PCDHGC5: variants seen among roughly 807,000 people sequenced by gnomAD.
The protein encoded by PCDHGC5 is protocadherin gamma subfamily C, 5, also known as protocadherin gamma-C5.
In PCDHGC5, 25 loss-of-function variants were observed where a neutral mutation model predicts 59.0. That is an observed-to-expected ratio of 0.42 (90% confidence interval 0.31 to 0.59). The LOEUF (loss-of-function observed/expected upper bound fraction) is 0.59, where lower values mean the gene tolerates loss of function less well. Among genes scored for constraint, PCDHGC5 ranks in the 20% least tolerant of loss-of-function variants. The pLI, the probability that PCDHGC5 is intolerant of heterozygous loss-of-function variation, is 0.13. For synonymous variants in PCDHGC5, 434 were observed against 505.5 expected, an observed-to-expected ratio of 0.86 and a Z score of 1.90; for missense variants, 1,067 against 1,206.4, an observed-to-expected ratio of 0.88 and a Z score of 1.71.
chr5:141,490,132 A>G lies in PCDHGC5; in HGVS notation c.892A>G (p.Ser298Gly), dbSNP rs1245562757. The G allele has an allele frequency of 3.7e-6, 6 of 1,614,102 alleles. No homozygotes were observed. In the African/African-American group the frequency reaches 4.0e-5, roughly 11 times the overall value. ...GCGGAACCTCTTTGGCCTAGACCCTAGCAGTGGGGCAATCCATGTGTTGGG... is the reference window on the plus strand; with the variant it reads ...GCGGAACCTCTTTGGCCTAGACCCTGGCAGTGGGGCAATCCATGTGTTGGG... The part of the protein sequence containing the change: ...AVRNLFGLDP[S>G]SGAIHVLGPI... The change falls in exon 1 of 4, where the codon AGC becomes GGC. Residue 298 changes from serine to glycine, a missense_variant. Ser to Gly is a moderately conservative substitution (Grantham distance 56). Coordinates refer to ENST00000252087, the MANE Select transcript of PCDHGC5 (RefSeq NM_018929.3). The surrounding 1 kb of genome is among the most constrained non-coding windows in gnomAD (Gnocchi z 5.4).
At chr5:141,492,189 G>C (rs2099737936) in intron 1 of PCDHGC5, among the ~76,000 whole-genome samples, 1 of 152,204 alleles carries the variant, frequency 6.6e-6, no homozygotes, top group Non-Finnish European at 1.5e-5. Context: ...GCACCTGTCT[G>C]CGGGACTTAG....
intron 1 of PCDHGC5, among the ~76,000 whole-genome samples, chr5:141,492,356 G>A (rs2099739649): frequency 6.6e-6 from 1 of 152,198 alleles, no homozygotes; most frequent in Non-Finnish European, 1.5e-5. Context: ...ACTGCCACTC[G>A]CTCGCGGCCA....
chr5:141,498,437 G>C (rs996627716), intron 2 of PCDHGC5, among the ~76,000 whole-genome samples: 1 of 152,170 alleles, frequency 6.6e-6, no homozygotes, highest in Non-Finnish European at 1.5e-5. Flanking sequence ...GGGATGAAGA[G>C]GAGAGGTTCC....
Position 141,491,623 on chromosome 5 carries a change from G to T in PCDHGC5, c.2383G>T (p.Val795Phe). 1 of 1,613,930 alleles carries T rather than the reference G, an allele frequency of 6.2e-7. No homozygotes were observed. The highest frequency in any genetic ancestry group is 1.1e-5 in the South Asian group (1 of 91,084). Residue 795 changes from valine (V) to phenylalanine (F), a missense_variant, in exon 1 of 4, where the codon GTT becomes TTT. Physicochemically the swap from Val to Phe is conservative, Grantham distance 50 (BLOSUM62 -1). Transcript: ENST00000252087. This position sits in a 1 kb window ranked among gnomAD's most constrained non-coding sequence, Gnocchi z 6.9. ...CTTCACTTTTCTAAGACCCCTCAGC[G>T]TTCAGCAGCCCACAGCTCTGGCGCT... ...SDFTFLRPLS[V>F]QQPTALALEP...
intron 1 of PCDHGC5, 84 bp from the exon 2 acceptor site, chr5:141,494,723 C>T: frequency 1.9e-6 from 3 of 1,606,114 alleles, no homozygotes; most frequent in Non-Finnish European, 2.6e-6. Flanking sequence ...TCCCCTCCTT[C>T]TCTCCCGGCC....
rs1177814811 is a variant in PCDHGC5 at position 141,511,841 on chromosome 5, CTGTTT to C, written c.*675_*679del. The C allele has an allele frequency of 3.2e-5, 5 of 156,826 alleles. No homozygotes were observed. Among genetic ancestry groups the C allele is most frequent in the African/African-American group, 4.8e-5 (2 of 41,458 alleles). The allele number at this position is 156,826 out of a possible 1,614,324, so 9.7% of individuals were successfully genotyped here. ...TCCCAACGCCCTGGGGACCAGTCTT[CTGTTT>C]TGTTTTTCATTGTTTGACGTTTCCA... On this transcript the variant is annotated 3_prime_UTR_variant, in exon 4 of 4. Coordinates refer to ENST00000252087, the MANE Select transcript of PCDHGC5 (RefSeq NM_018929.3).
chr5:141,497,473 AGGT>A (rs2099776769), intron 2 of PCDHGC5, among the ~76,000 whole-genome samples: 1 of 151,750 alleles, frequency 6.6e-6, no homozygotes. Flanking sequence ...ATGGAGGAGA[AGGT>A]GCGGAACCTC....
At position 141,511,563 on chromosome 5, in the gene PCDHGC5, C is replaced by T. The variant is rs911782127; in HGVS notation, c.*390C>T. ...CCCCACTCCAACAGTTCCTCTTTCCCGAGTAAGGTGGTTGGGGTGTTGAAG... is the reference window on the plus strand; with the variant it reads ...CCCCACTCCAACAGTTCCTCTTTCCTGAGTAAGGTGGTTGGGGTGTTGAAG... On this transcript the variant is annotated 3_prime_UTR_variant, in exon 4 of 4. Coordinates refer to ENST00000252087, the MANE Select transcript of PCDHGC5 (RefSeq NM_018929.3). The T allele has an allele frequency of 7.8e-5, 23 of 295,048 alleles. No homozygotes were observed. The highest frequency in any genetic ancestry group is 3.4e-4 in the African/African-American group (16 of 46,532). The allele number at this position is 295,048 out of a possible 1,614,324, so 18.3% of individuals were successfully genotyped here. A position where few individuals can be genotyped will look rare whatever the true frequency, so the allele number is the denominator to read the frequency against.
intron 2 of PCDHGC5, among the ~76,000 whole-genome samples, chr5:141,503,432 TA>T (rs1423418926): frequency 6.6e-6 from 1 of 151,668 alleles, no homozygotes; most frequent in African/African-American, 2.4e-5. Flanking sequence ...CCATCTCTAC[TA>T]AAAATACAAA....
rs1236074950 is a variant in PCDHGC5 at position 141,489,119 on chromosome 5, C to G, written c.-122C>G. On this transcript the variant is annotated 5_prime_UTR_variant, in exon 1 of 4. Transcript: ENST00000252087. This position sits in a 1 kb window ranked among gnomAD's most constrained non-coding sequence, Gnocchi z 4.5. ...GAACTGCTGCAAGCAGGCAAACCTC[C>G]GAGCAGTTTTTAAGAGGCTGGAAGG... The G allele has an allele frequency of 1.5e-6, 1 of 650,358 alleles. No individual in the cohort carries two copies. Among genetic ancestry groups the G allele is most frequent in the Non-Finnish European group, 2.5e-6 (1 of 400,690 alleles). The allele number at this position is 650,358 out of a possible 1,614,324, so 40.3% of individuals were successfully genotyped here. A position where few individuals can be genotyped will look rare whatever the true frequency, so the allele number is the denominator to read the frequency against.
At chr5:141,505,305 C>T (rs1363643214) in intron 2 of PCDHGC5, 88 bp from the exon 3 acceptor site, 2 of 1,595,104 alleles carry the variant, frequency 1.3e-6, no homozygotes, top group Admixed American at 1.7e-5. Flanking sequence ...GGTTAGGGTA[C>T]TAGGTTTGGG....
At chr5:141,496,412 T>C (rs1322376676) in intron 2 of PCDHGC5, among the ~76,000 whole-genome samples, 1 of 152,180 alleles carries the variant, frequency 6.6e-6, no homozygotes, top group African/African-American at 2.4e-5. Context: ...GGTTGAGTAC[T>C]TGCTGTCCAC....
rs371139792 is a variant in PCDHGC5 at position 141,490,160 on chromosome 5, C to A, written c.920C>A (p.Pro307His). The change falls in exon 1 of 4, where the codon CCC (proline) becomes CAC (histidine). Residue 307 changes from proline to histidine, a missense_variant. Pro to His is a moderately conservative substitution (Grantham distance 77). Transcript: ENST00000252087. This position sits in a 1 kb window ranked among gnomAD's most constrained non-coding sequence, Gnocchi z 5.4. The stretch of plus-strand genomic sequence containing the variant: ...AGTGGGGCAATCCATGTGTTGGGTC[C>A]CATAGACTTTGAGGAGTCACGTTTC... ...PSSGAIHVLG[P>H]IDFEESRFYE... The A allele has an allele frequency of 5.6e-6, 9 of 1,614,192 alleles. No homozygotes were observed. The highest frequency in any genetic ancestry group is 7.6e-6 in the Non-Finnish European group (9 of 1,180,016).
chr5:141,510,813 C>G, intron 3 of PCDHGC5, 134 bp from the exon 4 acceptor site: 2 of 1,537,024 alleles, frequency 1.3e-6, no homozygotes, highest in Non-Finnish European at 1.8e-6. Context: ...CTTGGTGACC[C>G]CTATATTCCC....
chr5:141,506,115 T>C (rs1211973354), intron 3 of PCDHGC5, among the ~76,000 whole-genome samples: 1 of 152,062 alleles, frequency 6.6e-6, no homozygotes, highest in Admixed American at 6.5e-5. Context: ...GAAGAGTCAC[T>C]AGGGCCCAGA....
At position 141,491,605 on chromosome 5, in the gene PCDHGC5, T is replaced by C; in HGVS notation, c.2365T>C (p.Phe789Leu). The change falls in exon 1 of 4, where the codon TTT becomes CTT. Residue 789 changes from phenylalanine to leucine, a missense_variant. By Grantham distance (22) the Phe-to-Leu change is conservative. Coordinates refer to ENST00000252087, the MANE Select transcript of PCDHGC5 (RefSeq NM_018929.3). This position sits in a 1 kb window ranked among gnomAD's most constrained non-coding sequence, Gnocchi z 6.9. Reference sequence around the variant, plus strand: ...GGCCTCGGACGGCAGTGACTTCACTTTTCTAAGACCCCTCAGCGTTCAGCA... The same window carrying C: ...GGCCTCGGACGGCAGTGACTTCACTCTTCTAAGACCCCTCAGCGTTCAGCA... Reference protein sequence around the residue: ...SPASDGSDFTFLRPLSVQQPT... With the variant: ...SPASDGSDFTLLRPLSVQQPT... 6.2e-7 allele frequency: 1 copy of C among 1,613,868 alleles called. No individual in the cohort carries two copies. Among genetic ancestry groups the C allele is most frequent in the East Asian group, 2.2e-5 (1 of 44,858 alleles).
intron 2 of PCDHGC5, among the ~76,000 whole-genome samples, chr5:141,496,206 A>C (rs2099766963): frequency 6.6e-6 from 1 of 152,126 alleles, no homozygotes; most frequent in South Asian, 2.1e-4. Context: ...TCAATCTGGT[A>C]TGAATTCCTG....
At chr5:141,504,517 T>C (rs1057166865) in intron 2 of PCDHGC5, among the ~76,000 whole-genome samples, 5 of 151,918 alleles carry the variant, frequency 3.3e-5, no homozygotes, top group African/African-American at 1.2e-4. Context: ...TCTCCTCTGA[T>C]ATATTTTATT....
chr5:141,490,517 C>T lies in PCDHGC5; in HGVS notation c.1277C>T (p.Ala426Val). 6.2e-7 allele frequency: 1 copy of T among 1,613,972 alleles called. No homozygotes were observed. The highest frequency in any genetic ancestry group is 2.2e-5 in the East Asian group (1 of 44,854). ...TCCCACTATATCATCGAGCTGCTGG[C>T]CAGCGATGCTGGTTCACCTTCCCTA... ...ATSHYIIELL[A>V]SDAGSPSLHK... The change falls in exon 1 of 4, where the codon GCC (alanine) becomes GTC (valine). Residue 426 changes from alanine (A) to valine (V), a missense_variant. Coordinates refer to ENST00000252087, the MANE Select transcript of PCDHGC5 (RefSeq NM_018929.3). The surrounding 1 kb of genome is among the most constrained non-coding windows in gnomAD (Gnocchi z 5.4).
Sources: allele counts gnomAD v4.1 joint callset (sites outside exome capture counted in the v4.1 genomes callset), GRCh38; gene constraint gnomAD v4.1.1; non-coding constraint Gnocchi (gnomAD v3.1); transcripts MANE v1.5; gene names NCBI Gene and HGNC (gene_info 2026-07-23, HGNC 2026-07-21).